The following SKAP1 variants were observed in gnomAD, a reference collection of about 807,000 sequenced individuals.
SKAP1 encodes the protein src kinase-associated phosphoprotein 1.
A neutral mutation model predicts 58.5 loss-of-function variants in SKAP1; 44 were observed. That is an observed-to-expected ratio of 0.75 (90% CI 0.59 to 0.97). SKAP1 has a LOEUF of 0.97. Among genes scored for constraint, SKAP1 ranks in the 50% least tolerant of loss-of-function variants. SKAP1 has a pLI of 0.00. For missense variants in SKAP1, 390 were observed against 435.2 expected, an observed-to-expected ratio of 0.90 and a Z score of 0.92; for synonymous variants, 127 against 149.7, an observed-to-expected ratio of 0.85 and a Z score of 1.11.
chr17:48,434,433 A>G, upstream of SKAP1, among the ~76,000 whole-genome samples: 1 of 152,210 alleles, frequency 6.6e-6, no homozygotes, highest in East Asian at 1.9e-4. Context: ...TGTTCTTACC[A>G]ATTAGCTAAC....
At chr17:48,343,965 A>G (rs1224659337) in intron 4 of SKAP1, among the ~76,000 whole-genome samples, 1 of 152,216 alleles carries the variant, frequency 6.6e-6, no homozygotes. Context: ...TGTCTGTAAA[A>G]TAAGGGTAAA....
intron 11 of SKAP1, among the ~76,000 whole-genome samples, chr17:48,142,930 T>C (rs2063785541): frequency 6.6e-6 from 1 of 151,204 alleles, no homozygotes; most frequent in South Asian, 2.1e-4. Flanking sequence ...GCCTCCTAAG[T>C]AACTAGGACT....
the SKAP1 span, among the ~76,000 whole-genome samples, chr17:48,436,453 T>A: frequency 6.2e-4 from 95 of 152,320 alleles, no homozygotes; most frequent in African/African-American, 2.3e-3. Context: ...AACCACACTA[T>A]CTTTCATACA....
chr17:48,189,269 C>A (rs1416012063), intron 5 of SKAP1, among the ~76,000 whole-genome samples, 154 bp downstream of exon 5: 1 of 152,214 alleles, frequency 6.6e-6, no homozygotes, highest in Non-Finnish European at 1.5e-5. Flanking sequence ...TACACGAAAA[C>A]ACCAGACTCC....
rs559304189 is a variant in SKAP1 at position 48,420,198 on chromosome 17, ATAGT to A, written c.46+9873_46+9876del. Among the ~76,000 whole-genome samples, 624 of 152,332 alleles carry A rather than the reference ATAGT, an allele frequency of 4.1e-3. 8 individuals carry two copies. The highest frequency in any genetic ancestry group is 0.014 in the African/African-American group (592 of 41,570). On this transcript the variant is annotated intron_variant, in intron 1 of 12. Coordinates refer to ENST00000336915, the MANE Select transcript of SKAP1 (RefSeq NM_003726.4). ...ATAACATGAAAAAATTAGATCTATG[ATAGT>A]TAGGTCAATATGTTAAGATTCTCAG...
chr17:48,390,767 C>T (rs1183496397), intron 2 of SKAP1, among the ~76,000 whole-genome samples: 3 of 152,126 alleles, frequency 2.0e-5, no homozygotes, highest in African/African-American at 7.2e-5. Flanking sequence ...TGCAAGTGAT[C>T]TAAAAACTCT....
intron 11 of SKAP1, among the ~76,000 whole-genome samples, chr17:48,139,348 A>G (rs1036028288): frequency 6.6e-6 from 1 of 150,986 alleles, no homozygotes; most frequent in Non-Finnish European, 1.5e-5. Flanking sequence ...CGCCCAGCTA[A>G]TTTTTTGTAT....
intron 4 of SKAP1, among the ~76,000 whole-genome samples, chr17:48,205,533 A>G (rs2064799276): frequency 6.6e-6 from 1 of 152,220 alleles, no homozygotes; most frequent in Non-Finnish European, 1.5e-5. Context: ...TCAAAATGAT[A>G]GGAATCTTTT....
chr17:48,205,662 A>C (rs151083157), intron 4 of SKAP1, among the ~76,000 whole-genome samples: 2 of 152,078 alleles, frequency 1.3e-5, no homozygotes, highest in African/African-American at 4.8e-5. Context: ...CTTCTGAATC[A>C]GGGGGGAGAA....
chr17:48,361,014 T>C (rs1459086748), intron 3 of SKAP1, among the ~76,000 whole-genome samples: 1 of 151,936 alleles, frequency 6.6e-6, no homozygotes, highest in Non-Finnish European at 1.5e-5. Flanking sequence ...GGGTTTCTTA[T>C]TGGGGTGATG....
At chr17:48,158,708 C>A (rs1296467779) in intron 11 of SKAP1, among the ~76,000 whole-genome samples, 1 of 151,922 alleles carries the variant, frequency 6.6e-6, no homozygotes. Context: ...CGCCTGTAAT[C>A]CCAGCATTTT....
chr17:48,217,191 C>T (rs1333038300), intron 4 of SKAP1, among the ~76,000 whole-genome samples: 1 of 152,012 alleles, frequency 6.6e-6, no homozygotes, highest in East Asian at 1.9e-4. Flanking sequence ...CATTTTCAGG[C>T]CCCTTAAATC....
rs557927698 is a variant in SKAP1, at chr17:48,266,234, T to C, written c.281-76734A>G. Among the ~76,000 whole-genome samples the C allele has an allele frequency of 5.9e-5, 9 of 152,272 alleles. No individual in the cohort carries two copies. The East Asian group carries it at 1.5e-3, about 26-fold the overall frequency. On this transcript the variant is annotated intron_variant, in intron 4 of 12. Transcript: ENST00000336915. The stretch of plus-strand genomic sequence containing the variant: ...GATTTTATAAGCTATATCAAATAGA[T>C]CTTAATGTAAATTGTTAGGCTGGTG...
chr17:48,256,193 G>A (rs2065421645), intron 4 of SKAP1, among the ~76,000 whole-genome samples: 2 of 151,928 alleles, frequency 1.3e-5, no homozygotes, highest in African/African-American at 2.4e-5. Context: ...GTGTGTGTGT[G>A]TGTGAGGAGT....
chr17:48,155,504 G>A (rs2063963980), intron 11 of SKAP1, among the ~76,000 whole-genome samples: 1 of 152,084 alleles, frequency 6.6e-6, no homozygotes, highest in Non-Finnish European at 1.5e-5. Flanking sequence ...TGAAAGCTAG[G>A]ACTTGTGACT....
chr17:48,141,509 T>C (rs983069455), intron 11 of SKAP1, among the ~76,000 whole-genome samples: 1 of 152,064 alleles, frequency 6.6e-6, no homozygotes, highest in East Asian at 1.9e-4. Flanking sequence ...TCTGAGTAGC[T>C]GGGATTACAG....
In SKAP1 at chr17:48,392,070, A is replaced by C. The variant is rs72827856; in HGVS notation, c.152+4610T>G. On this transcript the variant is annotated intron_variant, in intron 2 of 12. Transcript: ENST00000336915. The stretch of plus-strand genomic sequence containing the variant: ...CTACTTCAAAACTCTTGCTCCCAAG[A>C]GTTTTATCAGGCTAACTCCTTGTCT... Among the ~76,000 whole-genome samples, 1,088 of 152,298 alleles carry C rather than the reference A, an allele frequency of 7.1e-3. 9 individuals carry two copies. Among genetic ancestry groups the C allele is most frequent in the Non-Finnish European group, 0.012 (797 of 68,006 alleles).
chr17:48,337,700 A>G (rs1183666534), intron 4 of SKAP1, among the ~76,000 whole-genome samples: 2 of 152,358 alleles, frequency 1.3e-5, no homozygotes, highest in East Asian at 1.9e-4. Context: ...TTTATAAACT[A>G]TACCACTTCC....
At chr17:48,235,058 C>T (rs1400049874) in intron 4 of SKAP1, among the ~76,000 whole-genome samples, 1 of 152,160 alleles carries the variant, frequency 6.6e-6, no homozygotes, top group Non-Finnish European at 1.5e-5. Context: ...AGAAATGTTA[C>T]GTTTTTCCTT....
Sources: allele counts gnomAD v4.1 joint callset (sites outside exome capture counted in the v4.1 genomes callset), GRCh38; gene constraint gnomAD v4.1.1; transcripts MANE v1.5; gene names NCBI Gene and HGNC (gene_info 2026-07-23, HGNC 2026-07-21).